The following TNFSF14 variants were observed in gnomAD, a reference collection of about 807,000 sequenced individuals.
The protein encoded by TNFSF14 is tumor necrosis factor ligand superfamily member 14.
Under a neutral mutation model 22.7 loss-of-function variants are expected in TNFSF14, and 15 were observed. The observed-to-expected ratio is 0.66, with a 90% CI of 0.44 to 1.02. The LOEUF (loss-of-function observed/expected upper bound fraction) is 1.02, where lower values mean the gene tolerates loss of function less well. Ranked by LOEUF, TNFSF14 falls within the 50% of genes least tolerant of loss-of-function variation. The probability of loss-of-function intolerance (pLI) is 0.00; values close to 1 mark genes in which losing one functional copy is unlikely to be tolerated. For missense variants in TNFSF14, 287 were observed against 326.2 expected, an observed-to-expected ratio of 0.88 and a Z score of 0.93; for synonymous variants, 133 against 139.6, an observed-to-expected ratio of 0.95 and a Z score of 0.33.
rs530101637 is a variant in TNFSF14, at chr19:6,669,191, G to T, written c.219+660C>A. On this transcript the variant is annotated intron_variant, in intron 1 of 3. Transcript: ENST00000675206. ...GACAATCGCAGTAACAGTAATAAGA[G>T]TACCAGAGAAGGCCAGGCGCAGTGG... is the stretch of plus-strand genomic sequence containing the variant. Among the ~76,000 whole-genome samples the T allele has an allele frequency of 1.2e-3, 185 of 151,822 alleles. 1 individual carries two copies. The highest frequency in any genetic ancestry group is 4.3e-3 in the African/African-American group (178 of 41,466).
chr19:6,664,837 G>T lies in TNFSF14; in HGVS notation c.*89C>A. ...TTACAGGCGAGAGCCACCACGCCCAGCCTCTGCTTCGTGAGTTTTCTTTCC... is the reference window on the plus strand; with the variant it reads ...TTACAGGCGAGAGCCACCACGCCCATCCTCTGCTTCGTGAGTTTTCTTTCC... On this transcript the variant is annotated 3_prime_UTR_variant, in exon 4 of 4. Transcript: ENST00000675206. The surrounding 1 kb of genome is among the most constrained non-coding windows in gnomAD (Gnocchi z 4.7). The T allele has an allele frequency of 6.7e-7, 1 of 1,484,270 alleles. No homozygotes were observed. The highest frequency in any genetic ancestry group is 1.3e-5 in the South Asian group (1 of 76,536). 91.9% of individuals were successfully genotyped at this position (1,484,270 alleles called of 1,614,324 possible).
Position 6,665,069 on chromosome 19 carries a change from A to G in TNFSF14, c.580T>C (p.Ser194Pro). Reference protein sequence around the residue: ...QSPCGRATSSSRVWWDSSFLG... With the variant: ...QSPCGRATSSPRVWWDSSFLG... ...AAGCTGCTGTCCCACCAGACCCGGGAGCTGCTGGTGGCCCGTCCGCAGGGT... is the reference window on the plus strand; with the variant it reads ...AAGCTGCTGTCCCACCAGACCCGGGGGCTGCTGGTGGCCCGTCCGCAGGGT... The change falls in exon 4 of 4, where the codon TCC becomes CCC. Residue 194 changes from serine to proline, a missense_variant. Ser to Pro is a moderately conservative substitution (Grantham distance 74). Transcript: ENST00000675206. The G allele has an allele frequency of 6.2e-7, 1 of 1,614,058 alleles. No individual in the cohort carries two copies. The highest frequency in any genetic ancestry group is 8.5e-7 in the Non-Finnish European group (1 of 1,179,958).
intron 3 of TNFSF14, among the ~76,000 whole-genome samples, chr19:6,666,012 C>G (rs1210052110): frequency 3.3e-5 from 5 of 151,980 alleles, no homozygotes; most frequent in Non-Finnish European, 5.9e-5. Flanking sequence ...AGCAAATTAA[C>G]TTGCTTAGTC....
intron 1 of TNFSF14, 136 bp from the exon 2 acceptor site, chr19:6,667,585 C>G (rs1045892110): frequency 1.1e-6 from 1 of 940,636 alleles, no homozygotes; most frequent in African/African-American, 1.8e-5. Flanking sequence ...GCCACATACT[C>G]TCACTTGCAG....
rs1183722200 is a variant in TNFSF14 at position 6,667,159 on chromosome 19, G to C, written c.257-5C>G. 1 of 1,589,096 alleles carries C rather than the reference G, an allele frequency of 6.3e-7. No individual in the cohort carries two copies. The highest frequency in any genetic ancestry group is 8.5e-7 in the Non-Finnish European group (1 of 1,170,082). ...TGACCTCGTGAGACCTTCGCTCTGG[G>C]GAAAGAGGGTCAGAGGTTAGAGACG... is the stretch of plus-strand genomic sequence containing the variant. On this transcript the variant is annotated splice_polypyrimidine_tract_variant and splice_region_variant and intron_variant, in intron 2 of 3. Coordinates refer to ENST00000675206, the MANE Select transcript of TNFSF14 (RefSeq NM_001376887.1).
chr19:6,669,775 G>C (rs112696955), intron 1 of TNFSF14, 76 bp downstream of exon 1: 828 of 1,372,192 alleles, frequency 6.0e-4, no homozygotes, highest in African/African-American at 8.5e-4. Flanking sequence ...CACACACACA[G>C]ACACACAGTG....
intron 1 of TNFSF14, among the ~76,000 whole-genome samples, chr19:6,667,835 G>T (rs528888202): frequency 1.2e-4 from 19 of 152,306 alleles, no homozygotes; most frequent in South Asian, 8.3e-4. Context: ...GAGGTCAGGA[G>T]TTCGAGACCA....
At chr19:6,669,481 C>T (rs1917530502) in intron 1 of TNFSF14, among the ~76,000 whole-genome samples, 1 of 152,114 alleles carries the variant, frequency 6.6e-6, no homozygotes, top group Non-Finnish European at 1.5e-5. Flanking sequence ...GAAACTCCGT[C>T]TCAAAAATAA....
Position 6,661,881 on chromosome 19 carries a change from A to T in TNFSF14, c.*3045T>A, listed in dbSNP as rs930583414. On this transcript the variant is annotated 3_prime_UTR_variant, in exon 4 of 4. Transcript: ENST00000675206. ...AGAGATACCTATCTGGCATGTGAGAAAATGATATATAGCTACTGACGGGGA... is the reference window on the plus strand; with the variant it reads ...AGAGATACCTATCTGGCATGTGAGATAATGATATATAGCTACTGACGGGGA... 6.6e-6 allele frequency: 1 copy of T among 152,278 alleles called. No homozygotes were observed. The highest frequency in any genetic ancestry group is 2.4e-5 in the African/African-American group (1 of 41,478). The allele number at this position is 152,278 out of a possible 1,614,324, so 9.4% of individuals were successfully genotyped here.
At position 6,661,972 on chromosome 19, in the gene TNFSF14, T is replaced by C. The variant is rs12461880; in HGVS notation, c.*2954A>G. The C allele has an allele frequency of 0.12, 17,629 of 152,304 alleles. 1,474 individuals carry two copies. Among genetic ancestry groups the C allele is most frequent in the East Asian group, 0.28 (1,437 of 5,170 alleles). 9.4% of individuals were successfully genotyped at this position (152,304 alleles called of 1,614,324 possible). A position where few individuals can be genotyped will look rare whatever the true frequency, so the allele number is the denominator to read the frequency against. On this transcript the variant is annotated 3_prime_UTR_variant, in exon 4 of 4. Coordinates refer to ENST00000675206, the MANE Select transcript of TNFSF14 (RefSeq NM_001376887.1). ...TGCATTTCCACTGCAATCTATCACA[T>C]GTGATGAGTTGTGGAATTTCCCACT...
intron 2 of TNFSF14, 113 bp from the exon 3 acceptor site, chr19:6,667,267 C>T: frequency 1.4e-6 from 2 of 1,439,342 alleles, no homozygotes; most frequent in Non-Finnish European, 1.8e-6. Flanking sequence ...TCCGGAGTGA[C>T]CCAAACTTCT....
chr19:6,670,084 G>C lies in TNFSF14; in HGVS notation c.-15C>G, dbSNP rs914610554. ...CTCTCCTCCATGCCCAAGGTGTCTG[G>C]AGCAGGGCTGACACGCCTGGGTCCT... On this transcript the variant is annotated 5_prime_UTR_variant, in exon 1 of 4. Transcript: ENST00000675206. 2 of 1,611,406 alleles carry C rather than the reference G, an allele frequency of 1.2e-6. No individual in the cohort carries two copies. The highest frequency in any genetic ancestry group is 1.7e-6 in the Non-Finnish European group (2 of 1,177,696).
At chr19:6,666,244 A>G (rs903855265) in intron 3 of TNFSF14, among the ~76,000 whole-genome samples, 1 of 151,382 alleles carries the variant, frequency 6.6e-6, no homozygotes, top group African/African-American at 2.4e-5. Context: ...TCTACAAAAA[A>G]CAAAAAAATT....
chr19:6,662,473 G>A lies in TNFSF14; in HGVS notation c.*2453C>T, dbSNP rs1599482999. On this transcript the variant is annotated 3_prime_UTR_variant, in exon 4 of 4. Transcript: ENST00000675206. ...GGTCATATAGCTGGTGAGTGGCAGA[G>A]TGGACTCAGAACCCAGGATCATCTG... is the stretch of plus-strand genomic sequence containing the variant. 6.6e-6 allele frequency: 1 copy of A among 152,358 alleles called. No individual in the cohort carries two copies. The highest frequency in any genetic ancestry group is 2.4e-5 in the African/African-American group (1 of 41,440). The allele number at this position is 152,358 out of a possible 1,614,324, so 9.4% of individuals were successfully genotyped here. A position where few individuals can be genotyped will look rare whatever the true frequency, so the allele number is the denominator to read the frequency against.
At position 6,669,974 on chromosome 19, in the gene TNFSF14, C is replaced by G; in HGVS notation, c.96G>C (p.Ser32=). Residue 32 remains serine, a synonymous_variant, in exon 1 of 4, where the codon TCG becomes TCC. Coordinates refer to ENST00000675206, the MANE Select transcript of TNFSF14 (RefSeq NM_001376887.1). ...CCAGACCCACCCGGGCCACACTGCACGACTGTCTCCGGTGGCTTCGTCCCA... is the reference window on the plus strand; with the variant it reads ...CCAGACCCACCCGGGCCACACTGCAGGACTGTCTCCGGTGGCTTCGTCCCA... The part of the protein sequence containing the change: ...TRLGRSHRRQ[S]CSVARVGLGL... The G allele has an allele frequency of 6.2e-7, 1 of 1,614,170 alleles. No homozygotes were observed. Among genetic ancestry groups the G allele is most frequent in the African/African-American group, 1.3e-5 (1 of 75,036 alleles).
intron 1 of TNFSF14, among the ~76,000 whole-genome samples, chr19:6,668,560 G>C (rs1471158332): frequency 2.0e-5 from 3 of 152,084 alleles, no homozygotes; most frequent in Non-Finnish European, 4.4e-5. Flanking sequence ...ACACAAATTA[G>C]CCAGGCACGG....
At chr19:6,667,382 C>T (rs1299549823) in intron 2 of TNFSF14, 31 bp downstream of exon 2, 2 of 1,526,974 alleles carry the variant, frequency 1.3e-6, no homozygotes, top group Non-Finnish European at 1.8e-6. Context: ...ATCATCACAC[C>T]TCCTTCCCTG....
Position 6,667,575 on chromosome 19 carries a change from G to A in TNFSF14, c.220-126C>T, listed in dbSNP as rs1917469600. ...CACCACCCTCAGACACGTACACAGG[G>A]CCACATACTCTCACTTGCAGACACA... is the stretch of plus-strand genomic sequence containing the variant. On this transcript the variant is annotated intron_variant, in intron 1 of 3. Transcript: ENST00000675206. 9.8e-6 allele frequency: 10 copies of A among 1,024,596 alleles called. No individual in the cohort carries two copies. The South Asian group carries it at 1.5e-4, about 16-fold the overall frequency. 63.5% of individuals were successfully genotyped at this position (1,024,596 alleles called of 1,614,324 possible). A position where few individuals can be genotyped will look rare whatever the true frequency, so the allele number is the denominator to read the frequency against.
chr19:6,665,408 C>T, intron 3 of TNFSF14, 58 bp from the exon 4 acceptor site: 2 of 1,446,320 alleles, frequency 1.4e-6, no homozygotes, highest in South Asian at 1.4e-5. Flanking sequence ...TCCTCTGTTG[C>T]TTGTTTGTTT....
Sources: allele counts gnomAD v4.1 joint callset (sites outside exome capture counted in the v4.1 genomes callset), GRCh38; gene constraint gnomAD v4.1.1; non-coding constraint Gnocchi (gnomAD v3.1); transcripts MANE v1.5; gene names NCBI Gene and HGNC (gene_info 2026-07-23, HGNC 2026-07-21).